The following TUB variants were observed in gnomAD, a reference collection of about 807,000 sequenced individuals.
TUB encodes the protein tubby protein homolog.
Under a neutral mutation model 59.7 loss-of-function variants are expected in TUB, and 33 were observed. The observed-to-expected ratio is 0.55, with a 90% CI of 0.42 to 0.74. The LOEUF is 0.74. Ranked by LOEUF, TUB falls within the 30% of genes least tolerant of loss-of-function variation. TUB has a pLI of 0.00. For synonymous variants in TUB, 293 were observed against 256.4 expected (o/e 1.14, Z -1.36); for missense variants, 659 against 672.0 (o/e 0.98, Z 0.21).
intron 5 of TUB, among the ~76,000 whole-genome samples, chr11:8,095,958 A>G (rs1049802926): frequency 6.6e-5 from 10 of 152,214 alleles, no homozygotes; most frequent in African/African-American, 2.4e-4. Context: ...GGGCCAGGAT[A>G]CCAAGAGACG....
chr11:8,099,977 A>G (rs1428643602), intron 9 of TUB, among the ~76,000 whole-genome samples: 1 of 152,130 alleles, frequency 6.6e-6, no homozygotes, highest in Non-Finnish European at 1.5e-5. Context: ...TGAGCTGGAG[A>G]GCCACTGGAG....
In TUB at chr11:8,099,595, CAT is replaced by C. The variant is rs1397722297; in HGVS notation, c.1116+722_1116+723del. Among the ~76,000 whole-genome samples, 3 of 152,270 alleles carry C rather than the reference CAT, an allele frequency of 2.0e-5. No homozygotes were observed. The East Asian group carries it at 5.8e-4, about 29-fold the overall frequency. On this transcript the variant is annotated intron_variant, in intron 9 of 11. Transcript: ENST00000299506. The stretch of plus-strand genomic sequence containing the variant: ...CACTAAGGATATAGTAATGAACAGA[CAT>C]AAATGTATACCTTTATGGGACTTAA...
chr11:8,086,096 T>G (rs1396377968), intron 1 of TUB, among the ~76,000 whole-genome samples: 2 of 152,208 alleles, frequency 1.3e-5, no homozygotes, highest in African/African-American at 2.4e-5. Context: ...GTGCCCGTGA[T>G]GTAGGAGACT....
chr11:8,052,718 G>A (rs567051391), intron 2 of TUB, among the ~76,000 whole-genome samples: 172 of 152,124 alleles, frequency 1.1e-3, no homozygotes, highest in Non-Finnish European at 2.0e-3. Context: ...CTCGTGATCC[G>A]GCCACCTTGG....
intron 1 of TUB, among the ~76,000 whole-genome samples, chr11:8,030,078 G>A (rs1465325013): frequency 3.9e-5 from 6 of 152,144 alleles, no homozygotes; most frequent in Non-Finnish European, 8.8e-5. Context: ...TGGGGCTCAG[G>A]GTGATTTATG....
At chr11:8,020,513 C>G (rs1029708415) in intron 1 of TUB, among the ~76,000 whole-genome samples, 8 of 152,198 alleles carry the variant, frequency 5.3e-5, no homozygotes, top group African/African-American at 1.9e-4. Flanking sequence ...TCTGCACCTT[C>G]GCCTCTTTAC....
rs573135245 is a variant in TUB, at chr11:8,019,833, C to T, written c.56+475C>T. Reference sequence around the variant, plus strand: ...CGAGGCTGGCCCCGGGCGGAGTGTCCCGCTGGCTGCCGGGGACCCGCGAGT... The same window carrying T: ...CGAGGCTGGCCCCGGGCGGAGTGTCTCGCTGGCTGCCGGGGACCCGCGAGT... On this transcript the variant is annotated intron_variant, in intron 1 of 11. Transcript: ENST00000534099. Among the ~76,000 whole-genome samples the T allele has an allele frequency of 5.4e-3, 823 of 152,150 alleles. 10 individuals are homozygous for T. Among genetic ancestry groups the T allele is most frequent in the African/African-American group, 0.019 (781 of 41,558 alleles).
At chr11:8,091,598 T>C (rs761962943) in intron 3 of TUB, among the ~76,000 whole-genome samples, 4 of 152,192 alleles carry the variant, frequency 2.6e-5, no homozygotes, top group Non-Finnish European at 4.4e-5. Flanking sequence ...CCATATTATG[T>C]TGCCTCCCTG....
chr11:8,090,018 C>T (rs1361052898), intron 2 of TUB, 51 bp from the exon 3 acceptor site: 1 of 1,519,178 alleles, frequency 6.6e-7, no homozygotes. Context: ...AACTGGGAGC[C>T]CGCCCTTCCT....
chr11:8,078,076 G>C (rs753827519), upstream of TUB, among the ~76,000 whole-genome samples: 2 of 152,084 alleles, frequency 1.3e-5, no homozygotes, highest in East Asian at 3.9e-4. Flanking sequence ...ACTCCATATA[G>C]GTGGCTAAGT....
At chr11:8,064,231 A>G (rs986514161) in intron 2 of TUB, among the ~76,000 whole-genome samples, 3 of 152,166 alleles carry the variant, frequency 2.0e-5, no homozygotes, top group African/African-American at 7.2e-5. Context: ...ACTGAGATGA[A>G]GGGGAGAAGG....
intron 2 of TUB, among the ~76,000 whole-genome samples, chr11:8,075,368 T>C (rs1943432729): frequency 6.6e-6 from 1 of 152,238 alleles, no homozygotes; most frequent in Non-Finnish European, 1.5e-5. Context: ...GAATTTGAAC[T>C]CTATCACTTC....
At chr11:8,073,268 G>T (rs1055048737) in intron 2 of TUB, among the ~76,000 whole-genome samples, 2 of 152,154 alleles carry the variant, frequency 1.3e-5, no homozygotes, top group Non-Finnish European at 1.5e-5. Flanking sequence ...GCAGCAAAAG[G>T]GAAGGGCCAT....
intron 3 of TUB, among the ~76,000 whole-genome samples, 163 bp from the exon 4 acceptor site, chr11:8,093,883 G>C (rs982615328): frequency 2.0e-5 from 3 of 152,162 alleles, no homozygotes; most frequent in Non-Finnish European, 4.4e-5. Flanking sequence ...GCCTAGTAGA[G>C]ATGAGTGGGC....
intron 2 of TUB, among the ~76,000 whole-genome samples, chr11:8,041,002 G>C (rs1281286585): frequency 1.3e-5 from 2 of 152,218 alleles, no homozygotes; most frequent in Admixed American, 6.5e-5. Flanking sequence ...CCTGCTCAGG[G>C]TTCTTTCTCT....
chr11:8,098,718 G>A (rs1326823401), intron 8 of TUB, 40 bp from the exon 9 acceptor site: 1 of 1,459,878 alleles, frequency 6.8e-7, no homozygotes, highest in Non-Finnish European at 9.6e-7. Flanking sequence ...CTCTGGGGCA[G>A]AGGGTGCATG....
At chr11:8,038,493 C>T (rs1315171332), upstream of TUB, 5 of 538,880 alleles carry the variant, frequency 9.3e-6, no homozygotes, top group African/African-American at 4.1e-5. Context: ...TCGGTGGTTC[C>T]TCCAGATGGG....
chr11:8,048,878 A>C (rs1942881589), intron 2 of TUB, among the ~76,000 whole-genome samples: 1 of 152,242 alleles, frequency 6.6e-6, no homozygotes, highest in African/African-American at 2.4e-5. Flanking sequence ...CATATAGCAT[A>C]TATCATTTGA....
intron 2 of TUB, among the ~76,000 whole-genome samples, chr11:8,073,555 T>C (rs1164074844): frequency 1.3e-5 from 2 of 152,210 alleles, no homozygotes; most frequent in East Asian, 1.9e-4. Context: ...AGGAGAGGGC[T>C]CTGCTAGATA....
Sources: gnomAD v4.1 joint callset for allele counts (sites outside exome capture counted in the v4.1 genomes callset) on GRCh38, gnomAD v4.1.1 for gene constraint, MANE v1.5 for transcripts, NCBI Gene and HGNC (gene_info 2026-07-23, HGNC 2026-07-21) for gene names.